The following FAM81A variants were observed in gnomAD, a reference collection of about 807,000 sequenced individuals.
FAM81A encodes protein FAM81A.
Under a neutral mutation model 46.7 loss-of-function variants are expected in FAM81A, and 19 were observed. That is an observed-to-expected ratio of 0.41 (90% CI 0.28 to 0.60). FAM81A has a LOEUF of 0.60. FAM81A is among the 20% of genes least tolerant of loss of function. The probability of loss-of-function intolerance (pLI) is 0.34; values close to 1 mark genes in which losing one functional copy is unlikely to be tolerated. For missense variants in FAM81A, 377 were observed against 453.5 expected (o/e 0.83, Z 1.53); for synonymous variants, 183 against 152.9 (o/e 1.20, Z -1.45).
At chr15:59,437,898 G>T (rs184096565), upstream of FAM81A, among the ~76,000 whole-genome samples, 57 of 152,240 alleles carry the variant, frequency 3.7e-4, 1 homozygote, top group East Asian at 8.7e-3. Context: ...CAACTCCAAG[G>T]CGCTTGGATG....
At chr15:59,474,873 C>G (rs916333306) in intron 3 of FAM81A, among the ~76,000 whole-genome samples, 1 of 152,194 alleles carries the variant, frequency 6.6e-6, no homozygotes, top group Non-Finnish European at 1.5e-5. Flanking sequence ...TACTTTACCT[C>G]TTAGAAGCTC....
Position 59,492,349 on chromosome 15 carries a change from C to T in FAM81A, c.373C>T (p.Gln125Ter). 6.2e-7 allele frequency: 1 copy of T among 1,613,816 alleles called. No homozygotes were observed. The highest frequency in any genetic ancestry group is 8.5e-7 in the Non-Finnish European group (1 of 1,179,836). ...NSALKTLEMR[Q>*]LSGLGDLRGR... ...TGCCTTAAAGACCCTGGAGATGCGC[C>T]AGCTCTCCGGTTTGGGAGATCTTCG... The change falls in exon 4 of 9, where the codon CAG becomes TAG. Residue 125 changes from glutamine (Q) to a stop codon, truncating the protein, a stop_gained. Transcript: ENST00000288228. LOFTEE classifies it high-confidence loss of function.
At chr15:59,470,397 A>C (rs7182428) in intron 3 of FAM81A, among the ~76,000 whole-genome samples, 127,139 of 152,202 alleles carry the variant, frequency 0.84, 53,512 homozygotes, top group African/African-American at 0.94. Flanking sequence ...AGGCTTTACT[A>C]ATTTCTTTTT....
intron 6 of FAM81A, among the ~76,000 whole-genome samples, chr15:59,509,795 G>C (rs1254786732): frequency 2.6e-5 from 4 of 152,154 alleles, no homozygotes; most frequent in African/African-American, 9.7e-5. Flanking sequence ...GGAGGAATGT[G>C]ACATGCAAGA....
At chr15:59,496,450 C>G (rs1434986050) in intron 4 of FAM81A, among the ~76,000 whole-genome samples, 15 of 152,228 alleles carry the variant, frequency 9.9e-5, no homozygotes. Context: ...ACTAAAAATA[C>G]AAAAATTTGC....
At position 59,522,139 on chromosome 15, in the gene FAM81A, A is replaced by G. The variant is rs1310536520; in HGVS notation, c.*761A>G. 2 of 152,570 alleles carry G rather than the reference A, an allele frequency of 1.3e-5. No individual in the cohort carries two copies. Among genetic ancestry groups the G allele is most frequent in the African/African-American group, 4.8e-5 (2 of 41,432 alleles). 9.5% of individuals were successfully genotyped at this position (152,570 alleles called of 1,614,324 possible). A position where few individuals can be genotyped will look rare whatever the true frequency, so the allele number is the denominator to read the frequency against. On this transcript the variant is annotated 3_prime_UTR_variant, in exon 9 of 9. Transcript: ENST00000288228. ...GTGATAGCCATATATTTAATAATGG[A>G]ATGGTGGTTAACAGTCTATTTACTG...
chr15:59,477,204 G>T (rs557965056), intron 3 of FAM81A, among the ~76,000 whole-genome samples: 1 of 152,098 alleles, frequency 6.6e-6, no homozygotes, highest in South Asian at 2.1e-4. Context: ...TAAAACAGAG[G>T]TGTGAAGATA....
At chr15:59,493,267 G>A (rs976872386) in intron 4 of FAM81A, among the ~76,000 whole-genome samples, 1 of 152,168 alleles carries the variant, frequency 6.6e-6, no homozygotes, top group Non-Finnish European at 1.5e-5. Flanking sequence ...AACGTGTCGA[G>A]GGCCTTGAAT....
intron 8 of FAM81A, among the ~76,000 whole-genome samples, chr15:59,517,800 A>G (rs1273133754): frequency 2.0e-5 from 3 of 152,202 alleles, no homozygotes; most frequent in African/African-American, 7.2e-5. Flanking sequence ...AAAATATGGT[A>G]TTTGAATATT....
At chr15:59,477,115 G>C (rs1388120360) in intron 3 of FAM81A, among the ~76,000 whole-genome samples, 3 of 146,820 alleles carry the variant, frequency 2.0e-5, no homozygotes, top group Non-Finnish European at 4.5e-5. Flanking sequence ...GTGAGACTCT[G>C]ACTCAAAAAA....
chr15:59,478,199 G>A lies in FAM81A; in HGVS notation c.295-14072G>A, dbSNP rs8037386. Among the ~76,000 whole-genome samples the A allele has an allele frequency of 4.4e-3, 663 of 152,268 alleles. 6 individuals carry two copies. Among genetic ancestry groups the A allele is most frequent in the African/African-American group, 0.015 (619 of 41,554 alleles). ...CTTTGGGAACCATGCAGTGGGGTCT[G>A]CCACCTGGCTGGTTAGAATCTGCGG... On this transcript the variant is annotated intron_variant, in intron 3 of 8. Coordinates refer to ENST00000288228, the MANE Select transcript of FAM81A (RefSeq NM_152450.3).
At position 59,460,584 on chromosome 15, in the gene FAM81A, G is replaced by C; in HGVS notation, c.294+378G>C. The C allele has an allele frequency of 2.9e-6, 1 of 349,404 alleles. No individual in the cohort carries two copies. 21.6% of individuals were successfully genotyped at this position (349,404 alleles called of 1,614,324 possible). ...ACTAAGGTCAGACTCTGTTGCTTCA[G>C]ATTAAATGTTTCTAGGTCATAATGA... On this transcript the variant is annotated intron_variant, in intron 3 of 8. Transcript: ENST00000288228. The surrounding 1 kb of genome is among the most constrained non-coding windows in gnomAD (Gnocchi z 4.4).
intron 1 of FAM81A, among the ~76,000 whole-genome samples, chr15:59,447,308 G>A (rs1479826940): frequency 6.6e-6 from 1 of 152,182 alleles, no homozygotes; most frequent in African/African-American, 2.4e-5. Context: ...GTGTAAGGAT[G>A]CCTAATGTCT....
intron 3 of FAM81A, among the ~76,000 whole-genome samples, chr15:59,480,016 A>G (rs11856047): frequency 0.071 from 10,754 of 152,140 alleles, 607 homozygotes; most frequent in African/African-American, 0.16. Flanking sequence ...AAGTTAGGGG[A>G]CTACTTCAAG....
chr15:59,463,465 C>A (rs186499997), intron 3 of FAM81A, among the ~76,000 whole-genome samples: 3 of 152,122 alleles, frequency 2.0e-5, no homozygotes, highest in East Asian at 3.9e-4. Context: ...TAGTCTATGT[C>A]CTTTGCATTT....
chr15:59,471,283 G>C (rs763133027), intron 3 of FAM81A, among the ~76,000 whole-genome samples: 8 of 152,020 alleles, frequency 5.3e-5, no homozygotes, highest in African/African-American at 1.7e-4. Flanking sequence ...TTTGCTTCCT[G>C]TATTTGGGCA....
intron 2 of FAM81A, among the ~76,000 whole-genome samples, chr15:59,418,223 A>T (rs935020918): frequency 8.5e-5 from 13 of 152,198 alleles, no homozygotes; most frequent in African/African-American, 2.7e-4. Context: ...TGAGGGCACG[A>T]TGTGAGCTGT....
chr15:59,491,949 G>C (rs1311554015), intron 3 of FAM81A, among the ~76,000 whole-genome samples: 1 of 151,278 alleles, frequency 6.6e-6, no homozygotes, highest in Non-Finnish European at 1.5e-5. Flanking sequence ...CTGGGCAACA[G>C]AGCAAGACTC....
At chr15:59,493,815 T>A (rs981699441) in intron 4 of FAM81A, among the ~76,000 whole-genome samples, 3 of 152,190 alleles carry the variant, frequency 2.0e-5, no homozygotes, top group Non-Finnish European at 4.4e-5. Flanking sequence ...TTCTAACTCC[T>A]GACCTCAGGT....
Sources: gnomAD v4.1 joint callset for allele counts (sites outside exome capture counted in the v4.1 genomes callset) on GRCh38, gnomAD v4.1.1 for gene constraint, Gnocchi (gnomAD v3.1) non-coding constraint, MANE v1.5 for transcripts, NCBI Gene and HGNC (gene_info 2026-07-23, HGNC 2026-07-21) for gene names.